The following NKAIN2 variants were observed in gnomAD, a reference collection of about 807,000 sequenced individuals.
NKAIN2 encodes sodium/potassium-transporting ATPase subunit beta-1-interacting protein 2.
A neutral mutation model predicts 32.6 loss-of-function variants in NKAIN2; 14 were observed. That is an observed-to-expected ratio of 0.43 (90% CI 0.28 to 0.67). The LOEUF is 0.67. Ranked by LOEUF, NKAIN2 falls within the 30% of genes least tolerant of loss-of-function variation. The pLI is 0.17. For synonymous variants in NKAIN2, 80 were observed against 87.2 expected (o/e 0.92, Z 0.46); for missense variants, 198 against 258.3 (o/e 0.77, Z 1.60).
In NKAIN2 at chr6:124,443,002, T is replaced by C. The variant is rs563992601; in HGVS notation, c.273+87655T>C. Among the ~76,000 whole-genome samples the C allele has an allele frequency of 3.9e-4, 59 of 152,140 alleles. 2 individuals carry two copies. The highest frequency in any genetic ancestry group is 3.3e-4 in the Admixed American group (5 of 15,250). On this transcript the variant is annotated intron_variant, in intron 3 of 6. Coordinates refer to ENST00000368417, the MANE Select transcript of NKAIN2 (RefSeq NM_001040214.3). ...ATGCGGTAAATGAGTTTGAGCAGTA[T>C]TCTCAAGTATGGAACTTGCTATGCT... is the stretch of plus-strand genomic sequence containing the variant.
At chr6:123,850,619 T>C (rs528421217) in intron 1 of NKAIN2, among the ~76,000 whole-genome samples, 1 of 152,334 alleles carries the variant, frequency 6.6e-6, no homozygotes, top group Non-Finnish European at 1.5e-5. Flanking sequence ...AATGTAGTTT[T>C]AATTGACAAA....
intron 1 of NKAIN2, among the ~76,000 whole-genome samples, chr6:124,120,158 C>T (rs1251016933): frequency 6.6e-6 from 1 of 152,098 alleles, no homozygotes; most frequent in African/African-American, 2.4e-5. Context: ...CACCATACAG[C>T]AATCTCAAAC....
chr6:124,334,733 C>CA (rs5879727), intron 2 of NKAIN2, among the ~76,000 whole-genome samples: 97,450 of 152,014 alleles, frequency 0.64, 31,377 homozygotes, highest in African/African-American at 0.7. Flanking sequence ...CATGACTCCT[C>CA]GCCAGAACTT....
chr6:124,740,937 A>C (rs1038266765), intron 4 of NKAIN2, among the ~76,000 whole-genome samples: 2 of 151,932 alleles, frequency 1.3e-5, no homozygotes, highest in East Asian at 3.9e-4. Context: ...ACCAGTTTGG[A>C]AGCTCTGAAT....
intron 1 of NKAIN2, among the ~76,000 whole-genome samples, chr6:124,185,303 G>A (rs567475515): frequency 6.6e-6 from 1 of 151,992 alleles, no homozygotes; most frequent in Non-Finnish European, 1.5e-5. Flanking sequence ...TTCACCTAAT[G>A]CGGTTTAAAA....
At chr6:124,214,274 C>G (rs748206217) in intron 1 of NKAIN2, among the ~76,000 whole-genome samples, 4 of 152,076 alleles carry the variant, frequency 2.6e-5, no homozygotes, top group Non-Finnish European at 5.9e-5. Flanking sequence ...TGTAAAGAAT[C>G]TTGTGAGTAT....
intron 1 of NKAIN2, among the ~76,000 whole-genome samples, chr6:123,927,819 A>C (rs1053762957): frequency 6.6e-6 from 1 of 152,170 alleles, no homozygotes; most frequent in Non-Finnish European, 1.5e-5. Flanking sequence ...GGAGGGTCCA[A>C]CTATTCATAT....
chr6:124,659,971 G>T (rs1201879553), intron 4 of NKAIN2, among the ~76,000 whole-genome samples: 1 of 152,070 alleles, frequency 6.6e-6, no homozygotes, highest in Non-Finnish European at 1.5e-5. Context: ...TTCTGTAATA[G>T]TTTTAAATCT....
At chr6:123,948,708 A>T (rs77304954) in intron 1 of NKAIN2, among the ~76,000 whole-genome samples, 1,930 of 142,762 alleles carry the variant, frequency 0.014, 44 homozygotes, top group African/African-American at 0.047. Flanking sequence ...CCCATTGAGC[A>T]GATTTTCTCT....
At chr6:124,028,396 TG>T (rs1260855196) in intron 1 of NKAIN2, among the ~76,000 whole-genome samples, 9 of 30,314 alleles carry the variant, frequency 3.0e-4, no homozygotes, top group Admixed American at 1.3e-3. Context: ...CCACTTGAGG[TG>T]GGGGGAGGGG....
intron 3 of NKAIN2, among the ~76,000 whole-genome samples, chr6:124,393,704 A>G (rs957981727): frequency 6.6e-6 from 1 of 152,142 alleles, no homozygotes. Flanking sequence ...ATACCCAGCA[A>G]GCAGCTACTG....
At chr6:124,083,625 T>A (rs983860508) in intron 1 of NKAIN2, among the ~76,000 whole-genome samples, 1 of 152,056 alleles carries the variant, frequency 6.6e-6, no homozygotes, top group Non-Finnish European at 1.5e-5. Context: ...AACCTATTAA[T>A]GTTTTCAAAG....
At chr6:123,935,208 A>G (rs962099361) in intron 1 of NKAIN2, among the ~76,000 whole-genome samples, 13 of 149,268 alleles carry the variant, frequency 8.7e-5, no homozygotes, top group Non-Finnish European at 1.3e-4. Context: ...TTATATATTT[A>G]CTTAATCTTT....
At chr6:124,729,509 C>T (rs1467086754) in intron 4 of NKAIN2, among the ~76,000 whole-genome samples, 7 of 151,194 alleles carry the variant, frequency 4.6e-5, no homozygotes, top group African/African-American at 1.7e-4. Context: ...AATTCAACAA[C>T]CCTTCATGCT....
chr6:123,899,393 T>C (rs1461232704), intron 1 of NKAIN2, among the ~76,000 whole-genome samples: 1 of 152,166 alleles, frequency 6.6e-6, no homozygotes, highest in Non-Finnish European at 1.5e-5. Flanking sequence ...CCTTCTCTCT[T>C]TCTCCCTGAC....
intron 3 of NKAIN2, among the ~76,000 whole-genome samples, chr6:124,473,422 G>A (rs1408067260): frequency 1.3e-5 from 2 of 152,124 alleles, no homozygotes. Flanking sequence ...TACTTAATAA[G>A]ATATACAGAT....
chr6:124,193,102 A>T (rs907243148), intron 1 of NKAIN2, among the ~76,000 whole-genome samples: 1 of 152,108 alleles, frequency 6.6e-6, no homozygotes, highest in Non-Finnish European at 1.5e-5. Flanking sequence ...GGGTGCATAC[A>T]CATTTAGAAT....
intron 3 of NKAIN2, among the ~76,000 whole-genome samples, chr6:124,494,334 A>T (rs2114731951): frequency 6.6e-6 from 1 of 152,260 alleles, no homozygotes; most frequent in South Asian, 2.1e-4. Context: ...TGAGTTTTTT[A>T]AAAATATTCT....
chr6:124,104,877 T>A (rs114442914), intron 1 of NKAIN2, among the ~76,000 whole-genome samples: 1,640 of 152,284 alleles, frequency 0.011, 31 homozygotes, highest in African/African-American at 0.036. Flanking sequence ...AGGTAGCTAG[T>A]GTGTAGGTTT....
Sources: allele counts gnomAD v4.1 joint callset (sites outside exome capture counted in the v4.1 genomes callset), GRCh38; gene constraint gnomAD v4.1.1; transcripts MANE v1.5; gene names NCBI Gene and HGNC (gene_info 2026-07-23, HGNC 2026-07-21).